Variants in MYOM2 observed in about 807,000 individuals in gnomAD.
The protein encoded by MYOM2 is myomesin-2.
In MYOM2, 254 loss-of-function variants were observed where a neutral mutation model predicts 187.6. That is an observed-to-expected ratio of 1.35 (90% CI 1.22 to 1.50). MYOM2 has a LOEUF of 1.50. Ranked by LOEUF, MYOM2 falls within the 40% of genes most tolerant of loss-of-function variation. The pLI is 0.00. For missense variants in MYOM2, 2,796 were observed against 1,924.0 expected (o/e 1.45, Z -8.48); for synonymous variants, 981 against 753.8 (o/e 1.30, Z -4.94).
At chr8:2,090,979 ATATGCAG>A (rs1387653940) in intron 15 of MYOM2, among the ~76,000 whole-genome samples, 1 of 128,580 alleles carries the variant, frequency 7.8e-6, no homozygotes, top group Non-Finnish European at 1.5e-5. Flanking sequence ...CTCTGGGTAT[ATATGCAG>A]TACTGGGATT....
Position 2,069,376 on chromosome 8 carries a change from G to A in MYOM2, c.742+10G>A, listed in dbSNP as rs758301083. ...GCGGTGGTGGTGAGAAGTGAGTGCCGGGTGGGCTTTCACGGGGCACCTCCC... is the reference window on the plus strand; with the variant it reads ...GCGGTGGTGGTGAGAAGTGAGTGCCAGGTGGGCTTTCACGGGGCACCTCCC... On this transcript the variant is annotated intron_variant, in intron 7 of 36. Coordinates refer to ENST00000262113, the MANE Select transcript of MYOM2 (RefSeq NM_003970.4). 3.5e-5 allele frequency: 57 copies of A among 1,613,898 alleles called. No individual in the cohort carries two copies. The East Asian group carries it at 8.7e-4, about 25-fold the overall frequency.
chr8:2,101,634 GAC>G (rs1214069372), intron 20 of MYOM2, among the ~76,000 whole-genome samples: 69 of 152,344 alleles, frequency 4.5e-4, no homozygotes, highest in Non-Finnish European at 1.5e-4. Flanking sequence ...GAACTGCGCA[GAC>G]ACGCCTGTTT....
chr8:2,054,021 G>C (rs13260776), intron 3 of MYOM2, among the ~76,000 whole-genome samples: 28,529 of 152,158 alleles, frequency 0.19, 3,301 homozygotes, highest in African/African-American at 0.32. Context: ...GAAGGGCCCA[G>C]GAGGGATGAG....
intron 32 of MYOM2, among the ~76,000 whole-genome samples, 189 bp from the exon 33 acceptor site, chr8:2,140,534 A>T (rs777638616): frequency 6.6e-6 from 1 of 152,240 alleles, no homozygotes; most frequent in African/African-American, 2.4e-5. Context: ...GTATCATTTA[A>T]TTTTAGAAAG....
At chr8:2,123,422 T>C in intron 29 of MYOM2, 57 bp downstream of exon 29, 1 of 1,500,438 alleles carries the variant, frequency 6.7e-7, no homozygotes, top group Non-Finnish European at 9.2e-7. Context: ...TTCAAATAAC[T>C]CGTAAATTCT....
intron 35 of MYOM2, among the ~76,000 whole-genome samples, chr8:2,142,953 A>T (rs927432247): frequency 2.6e-5 from 4 of 151,886 alleles, no homozygotes; most frequent in Non-Finnish European, 4.4e-5. Context: ...ACAGGGTTTC[A>T]TCATGTTGGC....
rs75525032 is a variant in MYOM2 at position 2,077,623 on chromosome 8, C to G, written c.1263-1111C>G. 5.4e-4 allele frequency among the ~76,000 whole-genome samples: 82 copies of G among 152,258 alleles called. 1 individual carries two copies. In the East Asian group the frequency reaches 0.015, roughly 28 times the overall value. Reference sequence around the variant, plus strand: ...AATTAAGCAACTACAGCAAGAAAAACAAACCCTCAAAACGATCTTCTTTTC... The same window carrying G: ...AATTAAGCAACTACAGCAAGAAAAAGAAACCCTCAAAACGATCTTCTTTTC... On this transcript the variant is annotated intron_variant, in intron 11 of 36. Coordinates refer to ENST00000262113, the MANE Select transcript of MYOM2 (RefSeq NM_003970.4).
At chr8:2,050,134 C>A (rs1177122349) in intron 1 of MYOM2, among the ~76,000 whole-genome samples, 1 of 152,190 alleles carries the variant, frequency 6.6e-6, no homozygotes, top group East Asian at 1.9e-4. Flanking sequence ...GTGGCTGCGT[C>A]TTTCCAGAGT....
chr8:2,085,421 A>T lies in MYOM2; in HGVS notation c.1644+31A>T, dbSNP rs1563443881. On this transcript the variant is annotated intron_variant, in intron 14 of 36. Coordinates refer to ENST00000262113, the MANE Select transcript of MYOM2 (RefSeq NM_003970.4). ...CTCCGGGCCCGTGTCCTGGAAAAGT[A>T]GATCTCTGCATGGCCCCCCACTGTC... 8.4e-6 allele frequency: 13 copies of T among 1,556,264 alleles called. No individual in the cohort carries two copies. The Admixed American group carries it at 1.6e-4, about 19-fold the overall frequency.
chr8:2,131,712 C>T (rs748081847), intron 32 of MYOM2, among the ~76,000 whole-genome samples: 3 of 147,496 alleles, frequency 2.0e-5, no homozygotes, highest in East Asian at 4.0e-4. Flanking sequence ...GGTGCGATCT[C>T]GGCTCACTGC....
At chr8:2,077,918 C>G (rs991674715) in intron 11 of MYOM2, among the ~76,000 whole-genome samples, 7 of 152,166 alleles carry the variant, frequency 4.6e-5, no homozygotes, top group South Asian at 4.1e-4. Flanking sequence ...TTCTCTTCGG[C>G]TAAAACAGCC....
At chr8:2,083,824 C>T (rs879492075) in intron 13 of MYOM2, among the ~76,000 whole-genome samples, 7 of 152,236 alleles carry the variant, frequency 4.6e-5, no homozygotes, top group Non-Finnish European at 1.0e-4. Flanking sequence ...TTGCCCCAGC[C>T]GGGGATCCCC....
At position 2,092,570 on chromosome 8, in the gene MYOM2, A is replaced by G. The variant is rs60503115; in HGVS notation, c.2003+50A>G. On this transcript the variant is annotated intron_variant, in intron 16 of 36. Coordinates refer to ENST00000262113, the MANE Select transcript of MYOM2 (RefSeq NM_003970.4). ...GAGTCAGCCTTGCAGGAGTAGCAAG[A>G]CCGTTGAGGTCCCTGTGGCCCTGGC... is the stretch of plus-strand genomic sequence containing the variant. The G allele has an allele frequency of 1.4e-3, 2,288 of 1,588,196 alleles. 23 individuals carry two copies. The East Asian group carries it at 0.022, about 16-fold the overall frequency.
intron 14 of MYOM2, 137 bp downstream of exon 14, chr8:2,085,527 TGTGATCTCTGC>T (rs1819816811): frequency 1.2e-5 from 3 of 254,008 alleles, no homozygotes; most frequent in African/African-American, 1.5e-4. Flanking sequence ...CCCCCACTGT[TGTGATCTCTGC>T]GTGGCCCCAC....
At chr8:2,094,180 T>G in intron 17 of MYOM2, 89 bp downstream of exon 17, 1 of 1,507,276 alleles carries the variant, frequency 6.6e-7, no homozygotes, top group Non-Finnish European at 9.0e-7. Context: ...ATTTGGAATG[T>G]CATTGAAGGG....
At chr8:2,093,097 G>A (rs528984334) in intron 16 of MYOM2, among the ~76,000 whole-genome samples, 3 of 152,240 alleles carry the variant, frequency 2.0e-5, no homozygotes, top group East Asian at 1.9e-4. Context: ...TGCGATACGC[G>A]TCTTAGGAAA....
At chr8:2,110,860 T>C (rs924451608) in intron 25 of MYOM2, among the ~76,000 whole-genome samples, 2 of 152,148 alleles carry the variant, frequency 1.3e-5, no homozygotes, top group African/African-American at 4.8e-5. Context: ...GTAAGGATCA[T>C]AGAATTTTCT....
chr8:2,055,325 C>T (rs892077768), intron 3 of MYOM2, among the ~76,000 whole-genome samples: 1 of 152,156 alleles, frequency 6.6e-6, no homozygotes, highest in African/African-American at 2.4e-5. Flanking sequence ...ACCCACAGGG[C>T]TGTGATTTGA....
Position 2,140,866 on chromosome 8 carries a change from C to A in MYOM2, c.3944C>A (p.Ser1315Tyr). ...IFDGKDNHQRSLDLSGQAFDE... is the reference protein window; with the variant it reads ...IFDGKDNHQRYLDLSGQAFDE... Reference sequence around the variant, plus strand: ...GATGGCAAAGACAACCATCAACGCTCCCTTGACCTGTCCGGACAAGGTAAG... The same window carrying A: ...GATGGCAAAGACAACCATCAACGCTACCTTGACCTGTCCGGACAAGGTAAG... Residue 1315 changes from serine (S) to tyrosine (Y), a missense_variant, in exon 33 of 37, where the codon TCC (serine) becomes TAC (tyrosine). By Grantham distance (144) the Ser-to-Tyr change is moderately radical (BLOSUM62 -2). Transcript: ENST00000262113. The A allele has an allele frequency of 5.6e-6, 9 of 1,613,810 alleles. No homozygotes were observed. The highest frequency in any genetic ancestry group is 7.6e-6 in the Non-Finnish European group (9 of 1,179,790).
Sources: gnomAD v4.1 joint callset for allele counts (sites outside exome capture counted in the v4.1 genomes callset) on GRCh38, gnomAD v4.1.1 for gene constraint, MANE v1.5 for transcripts, NCBI Gene and HGNC (gene_info 2026-07-23, HGNC 2026-07-21) for gene names.